The following HRH1 variants were observed in gnomAD, a reference collection of about 807,000 sequenced individuals.
HRH1 encodes the protein histamine H1 receptor.
A neutral mutation model predicts 10.3 loss-of-function variants in HRH1; 6 were observed. That is an observed-to-expected ratio of 0.58 (90% CI 0.32 to 1.15). The LOEUF (loss-of-function observed/expected upper bound fraction) is 1.15, where lower values mean the gene tolerates loss of function less well. HRH1 is among the 50% of genes most tolerant of loss of function. The probability of loss-of-function intolerance (pLI) is 0.05; values close to 1 mark genes in which losing one functional copy is unlikely to be tolerated. For missense variants in HRH1, 514 were observed against 615.3 expected, an observed-to-expected ratio of 0.84 and a Z score of 1.74; for synonymous variants, 242 against 236.7, an observed-to-expected ratio of 1.02 and a Z score of -0.21.
intron 1 of HRH1, among the ~76,000 whole-genome samples, chr3:11,237,365 G>A (rs1178823620): frequency 6.6e-6 from 1 of 152,156 alleles, no homozygotes; most frequent in Admixed American, 6.5e-5. Flanking sequence ...AGAGGATGGA[G>A]TGGGGGGAGT....
chr3:11,200,738 C>A (rs371005384), intron 1 of HRH1, among the ~76,000 whole-genome samples: 1 of 152,200 alleles, frequency 6.6e-6, no homozygotes. Context: ...CTAACCCTTA[C>A]GCAGAAAGTC....
rs952453508 is a variant in HRH1 at position 11,143,232 on chromosome 3, T to C, written c.-36+5833T>C. On this transcript the variant is annotated intron_variant, in intron 1 of 1. Coordinates refer to the HRH1 transcript ENST00000438284. ...AGTGGGGTGAGAAGCCTCTGGAGGG[T>C]TTTTAGTAAGAGTGATCTGATGTGT... Among the ~76,000 whole-genome samples, 25 of 151,720 alleles carry C rather than the reference T, an allele frequency of 1.6e-4. 1 individual carries two copies. In the South Asian group the frequency reaches 5.2e-3, roughly 32 times the overall value.
At chr3:11,249,402 CAAAAAAAAA>C (rs4037602) in intron 1 of HRH1, among the ~76,000 whole-genome samples, 2 of 71,878 alleles carry the variant, frequency 2.8e-5, no homozygotes, top group African/African-American at 1.2e-4. Context: ...GACTCTGTCT[CAAAAAAAAA>C]AAAAAAAAAA....
At chr3:11,138,600 G>A (rs1005995383) in intron 1 of HRH1, among the ~76,000 whole-genome samples, 7 of 152,042 alleles carry the variant, frequency 4.6e-5, no homozygotes, top group African/African-American at 9.7e-5. Context: ...AAAGTTAATC[G>A]TGGGATTACC....
intron 1 of HRH1, among the ~76,000 whole-genome samples, chr3:11,219,501 C>T (rs945680720): frequency 5.3e-5 from 8 of 151,884 alleles, no homozygotes; most frequent in African/African-American, 1.9e-4. Flanking sequence ...AGCACGAGGT[C>T]AGGAGTTCAA....
At chr3:11,229,613 G>A (rs559395964) in intron 1 of HRH1, among the ~76,000 whole-genome samples, 84 of 152,064 alleles carry the variant, frequency 5.5e-4, no homozygotes, top group African/African-American at 1.9e-3. Flanking sequence ...TTTGGTGCTG[G>A]GAGGTTTTCA....
intron 1 of HRH1, among the ~76,000 whole-genome samples, chr3:11,246,795 C>T (rs1412575403): frequency 2.0e-5 from 3 of 152,206 alleles, no homozygotes; most frequent in East Asian, 1.9e-4. Flanking sequence ...CCTGTAATCC[C>T]AGCACTTTGG....
At chr3:11,168,875 C>G (rs936533746) in intron 1 of HRH1, among the ~76,000 whole-genome samples, 5 of 152,212 alleles carry the variant, frequency 3.3e-5, no homozygotes, top group Non-Finnish European at 7.4e-5. Context: ...GGGAAAGACC[C>G]CTTTGCTGAG....
At chr3:11,156,221 G>A (rs181086088) in intron 1 of HRH1, among the ~76,000 whole-genome samples, 1 of 152,316 alleles carries the variant, frequency 6.6e-6, no homozygotes, top group East Asian at 1.9e-4. Context: ...GGGATGCCTG[G>A]CATTGTTTTC....
intron 1 of HRH1, among the ~76,000 whole-genome samples, chr3:11,221,784 C>A (rs532029754): frequency 7.2e-5 from 11 of 152,094 alleles, no homozygotes; most frequent in Non-Finnish European, 1.5e-4. Context: ...AGCCACCATT[C>A]CACTTTTTAT....
At chr3:11,157,006 A>C (rs1936819177) in intron 1 of HRH1, among the ~76,000 whole-genome samples, 1 of 152,266 alleles carries the variant, frequency 6.6e-6, no homozygotes, top group Non-Finnish European at 1.5e-5. Context: ...GACACTCAGC[A>C]AACGCTGGCC....
chr3:11,205,171 C>G (rs1200682926), intron 1 of HRH1, among the ~76,000 whole-genome samples: 1 of 152,178 alleles, frequency 6.6e-6, no homozygotes, highest in Non-Finnish European at 1.5e-5. Context: ...GCACTGCCAC[C>G]CACCAGGCTG....
At chr3:11,159,212 C>T (rs1936878189) in intron 1 of HRH1, among the ~76,000 whole-genome samples, 1 of 152,192 alleles carries the variant, frequency 6.6e-6, no homozygotes, top group African/African-American at 2.4e-5. Flanking sequence ...TGCACCACTG[C>T]ACTCCAGCCT....
intron 1 of HRH1, among the ~76,000 whole-genome samples, chr3:11,157,687 G>T (rs1341749723): frequency 1.3e-5 from 2 of 152,184 alleles, no homozygotes; most frequent in Admixed American, 6.5e-5. Context: ...AATGCAGGGG[G>T]ATCACATGGG....
chr3:11,161,995 CAG>C (rs1284442924), intron 1 of HRH1, among the ~76,000 whole-genome samples: 2 of 152,184 alleles, frequency 1.3e-5, no homozygotes, highest in Non-Finnish European at 2.9e-5. Flanking sequence ...TATTACTAAT[CAG>C]AGTGACAGTG....
chr3:11,189,257 T>C (rs1937502939), intron 1 of HRH1, among the ~76,000 whole-genome samples: 1 of 152,156 alleles, frequency 6.6e-6, no homozygotes, highest in Admixed American at 6.5e-5. Flanking sequence ...CAGACTTATG[T>C]CATAGACCAG....
intron 1 of HRH1, among the ~76,000 whole-genome samples, chr3:11,185,190 A>C (rs987769709): frequency 1.3e-5 from 2 of 152,164 alleles, no homozygotes; most frequent in African/African-American, 4.8e-5. Context: ...GGGGTAAGGC[A>C]TCCCTGGAAA....
chr3:11,161,217 C>G (rs1461015216), intron 1 of HRH1, among the ~76,000 whole-genome samples: 1 of 152,186 alleles, frequency 6.6e-6, no homozygotes, highest in African/African-American at 2.4e-5. Context: ...CTGTGCCATG[C>G]TGGTTTGATG....
intron 1 of HRH1, among the ~76,000 whole-genome samples, chr3:11,138,704 A>AT (rs35194961): frequency 0.025 from 3,475 of 139,384 alleles, 76 homozygotes; most frequent in African/African-American, 0.059. Context: ...TCATAGCTGA[A>AT]TTTTTTTTTT....
Sources: allele counts gnomAD v4.1 joint callset (sites outside exome capture counted in the v4.1 genomes callset), GRCh38; gene constraint gnomAD v4.1.1; transcripts MANE v1.5; gene names NCBI Gene and HGNC (gene_info 2026-07-23, HGNC 2026-07-21).